The following WDPCP variants were observed in gnomAD, a reference collection of about 807,000 sequenced individuals.
WDPCP encodes WD repeat-containing and planar cell polarity effector protein fritz homolog.
Under a neutral mutation model 93.1 loss-of-function variants are expected in WDPCP, and 71 were observed. The observed-to-expected ratio is 0.76, with a 90% confidence interval of 0.63 to 0.93. The LOEUF (loss-of-function observed/expected upper bound fraction) is 0.93, where lower values mean the gene tolerates loss of function less well. Among genes scored for constraint, WDPCP ranks in the 40% least tolerant of loss-of-function variants. The pLI, the probability that WDPCP is intolerant of heterozygous loss-of-function variation, is 0.00. For synonymous variants in WDPCP, 315 were observed against 315.0 expected, an observed-to-expected ratio of 1.00 and a Z score of 0.00; for missense variants, 844 against 887.4, an observed-to-expected ratio of 0.95 and a Z score of 0.62.
intron 1 of WDPCP, among the ~76,000 whole-genome samples, chr2:63,531,166 G>A (rs1402809967): frequency 6.6e-6 from 1 of 152,246 alleles, no homozygotes; most frequent in Non-Finnish European, 1.5e-5. Flanking sequence ...GCAGAGGCTT[G>A]ACTAGGTAAA....
At chr2:63,683,254 C>T (rs1668746531) in intron 2 of WDPCP, among the ~76,000 whole-genome samples, 1 of 152,000 alleles carries the variant, frequency 6.6e-6, no homozygotes. Flanking sequence ...TCAGTAGTAA[C>T]ATTGAATGTA....
intron 17 of WDPCP, among the ~76,000 whole-genome samples, chr2:63,134,297 A>T (rs910013695): frequency 1.3e-5 from 2 of 152,122 alleles, no homozygotes; most frequent in Non-Finnish European, 2.9e-5. Context: ...TTCCTCCAAA[A>T]TTCACATTTT....
rs138679483 is a variant in WDPCP at position 63,492,769 on chromosome 2, G to T, written c.160+87C>A. The T allele has an allele frequency of 3.3e-5, 40 of 1,207,558 alleles. No individual in the cohort carries two copies. In the Middle Eastern group the frequency reaches 2.0e-3, roughly 60 times the overall value. The allele number at this position is 1,207,558 out of a possible 1,614,324, so 74.8% of individuals were successfully genotyped here. A position where few individuals can be genotyped will look rare whatever the true frequency, so the allele number is the denominator to read the frequency against. On this transcript the variant is annotated intron_variant, in intron 2 of 17. Coordinates refer to ENST00000272321, the MANE Select transcript of WDPCP (RefSeq NM_015910.7). Reference sequence around the variant, plus strand: ...AAGAAAGAATGCAACTCCAGCTGGAGAATTCAGGCTCTAACCTTTGCTAGT... The same window carrying T: ...AAGAAAGAATGCAACTCCAGCTGGATAATTCAGGCTCTAACCTTTGCTAGT...
intron 12 of WDPCP, among the ~76,000 whole-genome samples, chr2:63,340,555 T>G (rs906853114): frequency 6.6e-6 from 1 of 152,196 alleles, no homozygotes; most frequent in African/African-American, 2.4e-5. Flanking sequence ...GACCCCAATA[T>G]AGTGTGACTG....
intron 17 of WDPCP, among the ~76,000 whole-genome samples, chr2:63,135,395 G>C (rs182470451): frequency 3.9e-5 from 6 of 152,150 alleles, no homozygotes; most frequent in Non-Finnish European, 8.8e-5. Flanking sequence ...GCAGTGGCGC[G>C]ATCTTGGCTC....
At chr2:63,584,623 C>A (rs1243099950) in intron 1 of WDPCP, among the ~76,000 whole-genome samples, 1 of 152,052 alleles carries the variant, frequency 6.6e-6, no homozygotes, top group Non-Finnish European at 1.5e-5. Flanking sequence ...ATTTCTAGAG[C>A]TGTGCTCTTA....
chr2:63,656,277 A>C (rs1401024509), intron 2 of WDPCP, among the ~76,000 whole-genome samples: 1 of 152,232 alleles, frequency 6.6e-6, no homozygotes, highest in Non-Finnish European at 1.5e-5. Flanking sequence ...GAGTGAGGCC[A>C]TACCCTGATT....
intron 2 of WDPCP, among the ~76,000 whole-genome samples, chr2:63,722,265 A>C (rs1293218661): frequency 7.4e-6 from 1 of 134,256 alleles, no homozygotes; most frequent in Non-Finnish European, 1.6e-5. Context: ...CCCGGCCGCC[A>C]TCCCACCTAG....
intron 1 of WDPCP, among the ~76,000 whole-genome samples, chr2:63,585,835 C>CTTTTTTTTTTTTTTTTTTT (rs11309831): frequency 9.7e-6 from 1 of 103,106 alleles, no homozygotes. Context: ...AAATAATTTT[C>CTTTTTTTTTTTTTTTTTTT]TTTTTTTTTT....
chr2:63,738,657 T>C (rs1032050868), intron 2 of WDPCP, among the ~76,000 whole-genome samples: 2 of 152,208 alleles, frequency 1.3e-5, no homozygotes, highest in Non-Finnish European at 2.9e-5. Flanking sequence ...ATTATATTCA[T>C]AGCTATAGGC....
intron 9 of WDPCP, among the ~76,000 whole-genome samples, chr2:63,415,623 C>T (rs1695360876): frequency 6.6e-6 from 1 of 152,148 alleles, no homozygotes; most frequent in South Asian, 2.1e-4. Context: ...CTGTCTGACT[C>T]TAAAAACTAA....
intron 14 of WDPCP, among the ~76,000 whole-genome samples, chr2:63,188,043 T>C (rs1674770817): frequency 6.6e-6 from 1 of 152,230 alleles, no homozygotes; most frequent in South Asian, 2.1e-4. Context: ...AAGGTTTCTA[T>C]TGAGAAATCT....
intron 17 of WDPCP, among the ~76,000 whole-genome samples, chr2:63,127,909 C>A (rs190512005): frequency 2.0e-5 from 3 of 151,820 alleles, no homozygotes; most frequent in Admixed American, 2.0e-4. Flanking sequence ...GAGGTCAAGG[C>A]GGCTGGATCA....
At chr2:63,403,082 T>C (rs1694272391) in intron 10 of WDPCP, among the ~76,000 whole-genome samples, 1 of 152,116 alleles carries the variant, frequency 6.6e-6, no homozygotes, top group Non-Finnish European at 1.5e-5. Context: ...CTGTGGAATA[T>C]TATACAGCCA....
At chr2:63,776,932 T>C (rs2103962088) in intron 2 of WDPCP, among the ~76,000 whole-genome samples, 1 of 152,122 alleles carries the variant, frequency 6.6e-6, no homozygotes, top group South Asian at 2.1e-4. Context: ...TAGAAGAGAA[T>C]GGGAAGAGGT....
chr2:63,536,894 T>A (rs900782147), intron 1 of WDPCP, among the ~76,000 whole-genome samples: 1 of 149,936 alleles, frequency 6.7e-6, no homozygotes, highest in African/African-American at 2.5e-5. Context: ...GCCTCCCAAG[T>A]AGCTGGGATT....
chr2:63,795,320 T>C (rs1011171267), intron 2 of WDPCP, among the ~76,000 whole-genome samples: 5 of 152,100 alleles, frequency 3.3e-5, no homozygotes, highest in African/African-American at 1.2e-4. Context: ...AACTATCACT[T>C]TGTACCTGAG....
chr2:63,266,799 C>G (rs1406254275), intron 13 of WDPCP, among the ~76,000 whole-genome samples: 1 of 152,056 alleles, frequency 6.6e-6, no homozygotes, highest in African/African-American at 2.4e-5. Context: ...GAGTGAGACT[C>G]TGTCTCAATC....
intron 15 of WDPCP, among the ~76,000 whole-genome samples, chr2:63,167,149 AT>A (rs1448597884): frequency 6.6e-6 from 1 of 152,204 alleles, no homozygotes; most frequent in Non-Finnish European, 1.5e-5. Context: ...TCATTTATGT[AT>A]TGTCTATGAC....
Sources: allele counts gnomAD v4.1 joint callset (sites outside exome capture counted in the v4.1 genomes callset), GRCh38; gene constraint gnomAD v4.1.1; transcripts MANE v1.5; gene names NCBI Gene and HGNC (gene_info 2026-07-23, HGNC 2026-07-21).